The following IRAK3 variants were observed in gnomAD, a reference collection of about 807,000 sequenced individuals.
IRAK3 encodes interleukin 1 receptor associated kinase 3, also known as interleukin-1 receptor-associated kinase 3.
In IRAK3, 57 loss-of-function variants were observed where a neutral mutation model predicts 56.6. The ratio of observed to expected loss-of-function variants is 1.01; its 90% CI spans 0.81 to 1.26. The LOEUF (loss-of-function observed/expected upper bound fraction) is 1.26. Among genes scored for constraint, IRAK3 ranks in the 50% most tolerant of loss-of-function variants. The pLI is 0.00. For missense variants in IRAK3, 703 were observed against 719.0 expected, an observed-to-expected ratio of 0.98 and a Z score of 0.25; for synonymous variants, 258 against 255.7, an observed-to-expected ratio of 1.01 and a Z score of -0.09.
chr12:66,220,209 T>C (rs1299107223), intron 6 of IRAK3, among the ~76,000 whole-genome samples: 3 of 152,158 alleles, frequency 2.0e-5, no homozygotes, highest in African/African-American at 7.2e-5. Flanking sequence ...TAATCCATTT[T>C]GAGTTAATTT....
chr12:66,222,044 A>T (rs1483407010), intron 6 of IRAK3, among the ~76,000 whole-genome samples: 1 of 152,134 alleles, frequency 6.6e-6, no homozygotes, highest in African/African-American at 2.4e-5. Flanking sequence ...ACAAACAAAC[A>T]AACAAACAAA....
At chr12:66,204,626 G>C (rs934112821) in intron 2 of IRAK3, among the ~76,000 whole-genome samples, 2 of 151,972 alleles carry the variant, frequency 1.3e-5, no homozygotes, top group Non-Finnish European at 2.9e-5. Context: ...TAATGATCTT[G>C]GGTCTTATGT....
Position 66,217,220 on chromosome 12 carries a change from T to C in IRAK3, c.638T>C (p.Leu213Pro). ...CATTGGAAGAGGTTTTTATCTGAGC[T>C]TGAAGTTTTACTACTGTGAGTATGT... ...KKHWKRFLSELEVLLLFHHPN... is the reference protein window; with the variant it reads ...KKHWKRFLSEPEVLLLFHHPN... The change falls in exon 6 of 12, where the codon CTT becomes CCT. Residue 213 changes from leucine to proline, a missense_variant. By Grantham distance (98) the Leu-to-Pro change is moderately conservative. Coordinates refer to ENST00000261233, the MANE Select transcript of IRAK3 (RefSeq NM_007199.3). The C allele has an allele frequency of 6.2e-7, 1 of 1,610,688 alleles. No homozygotes were observed. The highest frequency in any genetic ancestry group is 8.5e-7 in the Non-Finnish European group (1 of 1,176,934).
At chr12:66,224,541 T>C (rs755970508) in intron 6 of IRAK3, among the ~76,000 whole-genome samples, 1 of 152,158 alleles carries the variant, frequency 6.6e-6, no homozygotes, top group Non-Finnish European at 1.5e-5. Context: ...TTAAGGAAAT[T>C]ACCTTAAACA....
chr12:66,253,699 G>A lies in IRAK3; in HGVS notation c.*5528G>A, dbSNP rs2053124532. On this transcript the variant is annotated 3_prime_UTR_variant, in exon 12 of 12. Transcript: ENST00000261233. ...ATTGGAATGGGGGGTAAGGAGGTAG[G>A]AATGGCTTACTTGCGGAAATGCAGG... 6.6e-6 allele frequency: 1 copy of A among 152,180 alleles called. No homozygotes were observed. The highest frequency in any genetic ancestry group is 1.5e-5 in the Non-Finnish European group (1 of 68,030). 9.4% of individuals were successfully genotyped at this position (152,180 alleles called of 1,614,324 possible). A position where few individuals can be genotyped will look rare whatever the true frequency, so the allele number is the denominator to read the frequency against.
At chr12:66,235,293 C>A in intron 8 of IRAK3, 3 of 1,290,658 alleles carry the variant, frequency 2.3e-6, no homozygotes, top group Non-Finnish European at 2.0e-6. Context: ...ATCATCGCTG[C>A]GGGCCGCGGC....
intron 8 of IRAK3, chr12:66,234,295 G>A (rs2052878833): frequency 6.8e-6 from 11 of 1,612,702 alleles, no homozygotes; most frequent in Non-Finnish European, 9.3e-6. Flanking sequence ...TCATTGATGC[G>A]GGCTGTAGTG....
chr12:66,224,023 AT>A (rs1304801393), intron 6 of IRAK3, among the ~76,000 whole-genome samples: 17 of 152,106 alleles, frequency 1.1e-4, no homozygotes, highest in African/African-American at 4.1e-4. Flanking sequence ...TTCTATCGGC[AT>A]TTTTAATGCA....
At chr12:66,236,562 C>T (rs140907887) in intron 8 of IRAK3, among the ~76,000 whole-genome samples, 28 of 151,024 alleles carry the variant, frequency 1.9e-4, no homozygotes, top group Non-Finnish European at 3.2e-4. Flanking sequence ...AACAAGACTC[C>T]GTCTAAAAAA....
chr12:66,232,807 A>G (rs1357990706), intron 8 of IRAK3, among the ~76,000 whole-genome samples: 1 of 152,170 alleles, frequency 6.6e-6, no homozygotes, highest in Admixed American at 6.5e-5. Flanking sequence ...TACGGCTTTG[A>G]TAATTGGCTG....
intron 8 of IRAK3, among the ~76,000 whole-genome samples, chr12:66,240,302 AG>A (rs1264831347): frequency 7.2e-5 from 11 of 152,164 alleles, no homozygotes; most frequent in Admixed American, 7.2e-4. Flanking sequence ...CAATTAAAGG[AG>A]GAACACCCAT....
At chr12:66,234,669 G>A in intron 8 of IRAK3, 6 of 1,610,508 alleles carry the variant, frequency 3.7e-6, no homozygotes, top group South Asian at 1.1e-5. Flanking sequence ...ACTCCTGGTG[G>A]TGTCTTAATA....
At chr12:66,215,476 C>G (rs1019146313) in intron 5 of IRAK3, among the ~76,000 whole-genome samples, 6 of 152,206 alleles carry the variant, frequency 3.9e-5, no homozygotes, top group African/African-American at 1.4e-4. Flanking sequence ...TATTCACCCA[C>G]CTCTCTCAAA....
rs181151173 is a variant in IRAK3, at chr12:66,235,751, A to G, written c.887+7381A>G. Among the ~76,000 whole-genome samples the G allele has an allele frequency of 4.3e-4, 65 of 152,376 alleles. No homozygotes were observed. In the East Asian group the frequency reaches 7.5e-3, roughly 18 times the overall value. The stretch of plus-strand genomic sequence containing the variant: ...ATAATTATAACTTTGTATAACTACA[A>G]ATTCATGCATTAAAAAAATATTAAA... On this transcript the variant is annotated intron_variant, in intron 8 of 11. Coordinates refer to ENST00000261233, the MANE Select transcript of IRAK3 (RefSeq NM_007199.3).
chr12:66,217,705 C>T (rs918780279), intron 6 of IRAK3, among the ~76,000 whole-genome samples: 1 of 152,128 alleles, frequency 6.6e-6, no homozygotes, highest in African/African-American at 2.4e-5. Context: ...ATTGAAATGA[C>T]TTCGTTTTCA....
At chr12:66,222,392 C>G (rs2052742918) in intron 6 of IRAK3, among the ~76,000 whole-genome samples, 1 of 151,922 alleles carries the variant, frequency 6.6e-6, no homozygotes, top group South Asian at 2.1e-4. Flanking sequence ...CTTCATGATT[C>G]AGTCTTGGTG....
At position 66,228,522 on chromosome 12, in the gene IRAK3, T is replaced by C. The variant is rs946949315; in HGVS notation, c.887+152T>C. 4.5e-6 allele frequency: 3 copies of C among 667,612 alleles called. No homozygotes were observed. In the African/African-American group the frequency reaches 5.5e-5, roughly 12 times the overall value. 41.4% of individuals were successfully genotyped at this position (667,612 alleles called of 1,614,324 possible). A position where few individuals can be genotyped will look rare whatever the true frequency, so the allele number is the denominator to read the frequency against. ...CTAGGTATTTAAAAATCCTATATTTTTATTAATGAAAATGTGTCTACCAAA... is the reference window on the plus strand; with the variant it reads ...CTAGGTATTTAAAAATCCTATATTTCTATTAATGAAAATGTGTCTACCAAA... On this transcript the variant is annotated intron_variant, in intron 8 of 11. Coordinates refer to ENST00000261233, the MANE Select transcript of IRAK3 (RefSeq NM_007199.3).
chr12:66,192,601 CAAG>C lies in IRAK3; in HGVS notation c.133+3172_133+3174del, dbSNP rs542533883. On this transcript the variant is annotated intron_variant, in intron 1 of 11. Coordinates refer to ENST00000261233, the MANE Select transcript of IRAK3 (RefSeq NM_007199.3). ...AGGCTGTATTCAATTTTCTTCCTCT[CAAG>C]AAAGAAAAGGGAAATTATTATATAA... 9.4e-4 allele frequency among the ~76,000 whole-genome samples: 143 copies of C among 152,056 alleles called. 1 individual carries two copies. The highest frequency in any genetic ancestry group is 3.2e-3 in the African/African-American group (134 of 41,470).
intron 1 of IRAK3, chr12:66,196,808 C>A: frequency 7.2e-7 from 1 of 1,392,296 alleles, no homozygotes; most frequent in Non-Finnish European, 9.4e-7. Context: ...CTTAAAAGTT[C>A]TTTTAAAAAA....
Sources: allele counts gnomAD v4.1 joint callset (sites outside exome capture counted in the v4.1 genomes callset), GRCh38; gene constraint gnomAD v4.1.1; transcripts MANE v1.5; gene names NCBI Gene and HGNC (gene_info 2026-07-23, HGNC 2026-07-21).